The following SPMAP2L variants were observed in gnomAD, a reference collection of about 807,000 sequenced individuals.
The protein encoded by SPMAP2L is sperm microtubule associated protein 2-like.
chr4:56,548,485 A>G, the SPMAP2L span, among the ~76,000 whole-genome samples: 1 of 152,180 alleles, frequency 6.6e-6, no homozygotes, highest in Admixed American at 6.5e-5. Context: ...TTTTTGACAC[A>G]GAAATTTTAA....
At chr4:56,618,109 C>A in the SPMAP2L span, among the ~76,000 whole-genome samples, 1 of 152,182 alleles carries the variant, frequency 6.6e-6, no homozygotes, top group Admixed American at 6.5e-5. Flanking sequence ...GCAGATGTGC[C>A]TGTCCTCACC....
chr4:56,595,684 A>T, the SPMAP2L span: 2 of 1,112,114 alleles, frequency 1.8e-6, no homozygotes, highest in African/African-American at 1.5e-5. Flanking sequence ...GAAGTTTATG[A>T]GTTGCCATTT....
the SPMAP2L span, among the ~76,000 whole-genome samples, chr4:56,556,987 G>A: frequency 2.6e-5 from 4 of 152,006 alleles, no homozygotes; most frequent in African/African-American, 7.2e-5. Flanking sequence ...GGTGGCTCAC[G>A]CCTGTAATTC....
the SPMAP2L span, among the ~76,000 whole-genome samples, chr4:56,574,556 A>G: frequency 6.6e-6 from 1 of 152,230 alleles, no homozygotes; most frequent in African/African-American, 2.4e-5. Context: ...TTATCTAGCA[A>G]AGTATCAATA....
the SPMAP2L span, among the ~76,000 whole-genome samples, chr4:56,536,165 G>T: frequency 6.6e-6 from 1 of 152,176 alleles, no homozygotes; most frequent in Non-Finnish European, 1.5e-5. Context: ...TCCACAGCCC[G>T]GGGGTTGGGA....
the SPMAP2L span, among the ~76,000 whole-genome samples, chr4:56,604,516 G>A: frequency 6.6e-6 from 1 of 151,888 alleles, no homozygotes; most frequent in Admixed American, 6.6e-5. Context: ...AAATTAGCCT[G>A]GTGTGGTGGT....
the SPMAP2L span, among the ~76,000 whole-genome samples, chr4:56,600,582 G>A: frequency 3.3e-5 from 5 of 152,162 alleles, no homozygotes; most frequent in Admixed American, 6.5e-5. Context: ...AGCAACCAAC[G>A]CATCCAGCCC....
chr4:56,564,428 C>T, the SPMAP2L span, among the ~76,000 whole-genome samples: 2 of 152,230 alleles, frequency 1.3e-5, no homozygotes, highest in African/African-American at 2.4e-5. Flanking sequence ...GCGTGAGCCA[C>T]TGCGCCCAGC....
chr4:56,551,590 T>C, the SPMAP2L span, among the ~76,000 whole-genome samples: 1 of 152,332 alleles, frequency 6.6e-6, no homozygotes, highest in Admixed American at 6.5e-5. Context: ...CTGACTCCTG[T>C]GCCTATTTTT....
the SPMAP2L span, among the ~76,000 whole-genome samples, chr4:56,571,964 G>A: frequency 6.6e-6 from 1 of 152,100 alleles, no homozygotes; most frequent in African/African-American, 2.4e-5. Flanking sequence ...AACATGCATG[G>A]AGCTGTCATC....
At chr4:56,612,156 C>G in the SPMAP2L span, among the ~76,000 whole-genome samples, 1 of 152,120 alleles carries the variant, frequency 6.6e-6, no homozygotes, top group Non-Finnish European at 1.5e-5. Flanking sequence ...TTAGAAGACA[C>G]CTTTGAGACA....
At chr4:56,603,120 G>A in the SPMAP2L span, 1 of 819,494 alleles carries the variant, frequency 1.2e-6, no homozygotes, top group Non-Finnish European at 1.9e-6. Flanking sequence ...TAATATCATA[G>A]TACATAACAT....
the SPMAP2L span, among the ~76,000 whole-genome samples, chr4:56,614,489 T>C: frequency 2.0e-5 from 3 of 152,066 alleles, no homozygotes; most frequent in Non-Finnish European, 4.4e-5. Flanking sequence ...ACCTCATCTC[T>C]ACTAAAATAC....
At chr4:56,573,290 T>C in the SPMAP2L span, among the ~76,000 whole-genome samples, 2 of 152,258 alleles carry the variant, frequency 1.3e-5, no homozygotes, top group African/African-American at 4.8e-5. Flanking sequence ...TATTGTTTAT[T>C]TTCTCCATTT....
At chr4:56,625,150 A>G in the SPMAP2L span, among the ~76,000 whole-genome samples, 1 of 152,094 alleles carries the variant, frequency 6.6e-6, no homozygotes, top group Admixed American at 6.6e-5. Context: ...TTAAAATTTG[A>G]CTGCCCTGCT....
At chr4:56,577,210 GC>G in the SPMAP2L span, among the ~76,000 whole-genome samples, 1 of 151,522 alleles carries the variant, frequency 6.6e-6, no homozygotes, top group Non-Finnish European at 1.5e-5. Context: ...TTTGAGACCA[GC>G]CTGGCCAACA....
the SPMAP2L span, among the ~76,000 whole-genome samples, chr4:56,604,658 C>CAA: frequency 5.8e-5 from 8 of 137,174 alleles, no homozygotes; most frequent in African/African-American, 2.1e-4. Flanking sequence ...GACTCCATCT[C>CAA]AAAAAAAAAA....
the SPMAP2L span, chr4:56,596,559 G>A: frequency 1.8e-5 from 27 of 1,534,006 alleles, no homozygotes; most frequent in Non-Finnish European, 2.3e-5. Context: ...GAATTATAGA[G>A]CTTGCCCACC....
the SPMAP2L span, among the ~76,000 whole-genome samples, chr4:56,550,233 C>T: frequency 2.0e-5 from 3 of 152,222 alleles, no homozygotes; most frequent in East Asian, 1.9e-4. Context: ...GGTGATCCTT[C>T]TAACTCAGCC....
Sources: allele counts gnomAD v4.1 joint callset (sites outside exome capture counted in the v4.1 genomes callset), GRCh38; gene constraint gnomAD v4.1.1; transcripts MANE v1.5; gene names NCBI Gene and HGNC (gene_info 2026-07-23, HGNC 2026-07-21).